NCALD: variants seen among roughly 807,000 people sequenced by gnomAD.
The protein encoded by NCALD is neurocalcin-delta.
Under a neutral mutation model 18.6 loss-of-function variants are expected in NCALD, and 10 were observed. The ratio of observed to expected loss-of-function variants is 0.54; its 90% CI spans 0.33 to 0.91. NCALD has a LOEUF of 0.91. NCALD is among the 40% of genes least tolerant of loss of function. NCALD has a pLI of 0.03. For synonymous variants in NCALD, 88 were observed against 87.4 expected (o/e 1.01, Z -0.04); for missense variants, 184 against 247.6 (o/e 0.74, Z 1.72).
At chr8:101,872,324 A>C in intron 4 of NCALD, 1 of 1,436,658 alleles carries the variant, frequency 7.0e-7, no homozygotes, top group Non-Finnish European at 9.8e-7. Flanking sequence ...AGTCTCTGCC[A>C]TCTGTACATT....
intron 1 of NCALD, among the ~76,000 whole-genome samples, chr8:102,107,085 T>G (rs1407967802): frequency 3.3e-5 from 5 of 149,502 alleles, no homozygotes; most frequent in Non-Finnish European, 7.4e-5. Flanking sequence ...TGATGTATGC[T>G]TTCCAGCCCT....
At chr8:101,760,762 G>A (rs755420875) in intron 1 of NCALD, among the ~76,000 whole-genome samples, 2 of 152,114 alleles carry the variant, frequency 1.3e-5, no homozygotes, top group Non-Finnish European at 2.9e-5. Context: ...AGTTAATGAA[G>A]TTAAGTCATG....
At position 102,056,018 on chromosome 8, in the gene NCALD, T is replaced by C. The variant is rs909593596; in HGVS notation, c.-209-35729A>G. Among the ~76,000 whole-genome samples, 4 of 152,182 alleles carry C rather than the reference T, an allele frequency of 2.6e-5. No individual in the cohort carries two copies. The East Asian group carries it at 5.8e-4, about 22-fold the overall frequency. ...TTAGAGTGTCATATAATGAATAACA[T>C]GGATTTCTGGAAGGTAACTTGGCAC... is the stretch of plus-strand genomic sequence containing the variant. On this transcript the variant is annotated intron_variant, in intron 1 of 6. Transcript: ENST00000311028.
At chr8:101,692,412 T>C in intron 3 of NCALD, 2 of 985,356 alleles carry the variant, frequency 2.0e-6, no homozygotes, top group Non-Finnish European at 2.4e-6. Context: ...GATCACAGAA[T>C]AACAACCCTC....
intron 4 of NCALD, among the ~76,000 whole-genome samples, chr8:101,826,549 T>C (rs994632288): frequency 6.6e-6 from 1 of 152,210 alleles, no homozygotes; most frequent in Non-Finnish European, 1.5e-5. Flanking sequence ...CTACTCCAGA[T>C]AAAAGCTTGC....
chr8:101,969,267 G>C, intron 2 of NCALD, among the ~76,000 whole-genome samples: 1 of 152,272 alleles, frequency 6.6e-6, no homozygotes, highest in South Asian at 2.1e-4. Flanking sequence ...TGAAGGCCCA[G>C]TCTCACATTA....
chr8:102,097,290 C>T (rs983881682), intron 1 of NCALD, among the ~76,000 whole-genome samples: 10 of 152,222 alleles, frequency 6.6e-5, no homozygotes, highest in Non-Finnish European at 5.9e-5. Flanking sequence ...TCATTCATGG[C>T]ATCTAACATT....
intron 2 of NCALD, among the ~76,000 whole-genome samples, chr8:101,941,480 G>A (rs556143104): frequency 9.2e-5 from 14 of 152,244 alleles, no homozygotes; most frequent in African/African-American, 2.2e-4. Context: ...GTACCAGCCC[G>A]GGACCCCTGA....
intron 3 of NCALD, among the ~76,000 whole-genome samples, chr8:101,912,292 T>C (rs1817828965): frequency 6.6e-6 from 1 of 151,442 alleles, no homozygotes; most frequent in Non-Finnish European, 1.5e-5. Flanking sequence ...AAAAATTAAG[T>C]CATGAAAAGT....
In NCALD at chr8:102,081,571, A is replaced by C. The variant is rs1214323248; in HGVS notation, c.-210+42666T>G. Reference sequence around the variant, plus strand: ...AAAAAAAAAAAAAAAAAAAAAAAAAAAAAAACCCCAAAAAAAACTGGCTTT... The same window carrying C: ...AAAAAAAAAAAAAAAAAAAAAAAAACAAAAACCCCAAAAAAAACTGGCTTT... On this transcript the variant is annotated intron_variant, in intron 1 of 6. Coordinates refer to the NCALD transcript ENST00000311028. 9.5e-4 allele frequency among the ~76,000 whole-genome samples: 87 copies of C among 91,964 alleles called. 1 individual carries two copies. Among genetic ancestry groups the C allele is most frequent in the African/African-American group, 1.9e-3 (22 of 11,456 alleles). The allele number at this position is 91,964 out of a possible 152,430, so 60.3% of individuals were successfully genotyped here. A position where few individuals can be genotyped will look rare whatever the true frequency, so the allele number is the denominator to read the frequency against.
intron 2 of NCALD, among the ~76,000 whole-genome samples, chr8:101,974,024 C>T (rs1025669796): frequency 6.6e-6 from 1 of 152,126 alleles, no homozygotes; most frequent in Non-Finnish European, 1.5e-5. Flanking sequence ...ATTCTTTCAT[C>T]AGTTTATTAT....
At chr8:102,031,332 A>G (rs78665448) in intron 1 of NCALD, among the ~76,000 whole-genome samples, 1 of 152,370 alleles carries the variant, frequency 6.6e-6, no homozygotes, top group East Asian at 1.9e-4. Context: ...ACCAACGTTC[A>G]TTAAATGAGC....
Position 101,991,266 on chromosome 8 carries a change from A to G in NCALD, c.-157+28971T>C, listed in dbSNP as rs540368743. Among the ~76,000 whole-genome samples, 184 of 152,240 alleles carry G rather than the reference A, an allele frequency of 1.2e-3. 1 individual carries two copies. Among genetic ancestry groups the G allele is most frequent in the African/African-American group, 4.1e-3 (172 of 41,548 alleles). On this transcript the variant is annotated intron_variant, in intron 2 of 6. Transcript: ENST00000311028. ...ACTATACAGCCTTGTCATAATTGCT[A>G]TCAATCATCAGGTGCCCCTAACCTC...
intron 1 of NCALD, among the ~76,000 whole-genome samples, chr8:102,089,344 A>C (rs1824848213): frequency 6.6e-6 from 1 of 151,918 alleles, no homozygotes; most frequent in African/African-American, 2.4e-5. Context: ...CAGTGAGCTG[A>C]GATCACGCCA....
chr8:101,911,716 G>A (rs73696568), intron 3 of NCALD, among the ~76,000 whole-genome samples: 8,596 of 152,008 alleles, frequency 0.057, 781 homozygotes, highest in African/African-American at 0.19. Flanking sequence ...ATTTCATCTT[G>A]GCTACTAATG....
intron 2 of NCALD, among the ~76,000 whole-genome samples, chr8:101,700,634 G>A (rs1471407862): frequency 1.3e-5 from 2 of 152,096 alleles, no homozygotes; most frequent in Admixed American, 1.3e-4. Context: ...AAAATCAACT[G>A]TGTAATAATC....
intron 1 of NCALD, among the ~76,000 whole-genome samples, chr8:102,088,104 C>T (rs191825581): frequency 2.5e-3 from 380 of 152,294 alleles, no homozygotes; most frequent in Non-Finnish European, 3.9e-3. Context: ...TAGGATAGAA[C>T]ATGGGCTTAG....
Position 101,897,462 on chromosome 8 carries a change from C to T in NCALD, c.-106-10235G>A, listed in dbSNP as rs560011087. Among the ~76,000 whole-genome samples the T allele has an allele frequency of 6.6e-5, 10 of 150,434 alleles. No individual in the cohort carries two copies. The South Asian group carries it at 1.5e-3, about 22-fold the overall frequency. On this transcript the variant is annotated intron_variant, in intron 3 of 6. Transcript: ENST00000311028. ...AGTGCACCAGCATGGCACATGTATACATATGTAACTAACCTGCACAATGTG... is the reference window on the plus strand; with the variant it reads ...AGTGCACCAGCATGGCACATGTATATATATGTAACTAACCTGCACAATGTG...
At chr8:102,041,058 T>C (rs1823033480) in intron 1 of NCALD, among the ~76,000 whole-genome samples, 1 of 152,222 alleles carries the variant, frequency 6.6e-6, no homozygotes, top group Non-Finnish European at 1.5e-5. Flanking sequence ...TCACCTATTC[T>C]GCTAATTTCT....
Sources: gnomAD v4.1 joint callset for allele counts (sites outside exome capture counted in the v4.1 genomes callset) on GRCh38, gnomAD v4.1.1 for gene constraint, MANE v1.5 for transcripts, NCBI Gene and HGNC (gene_info 2026-07-23, HGNC 2026-07-21) for gene names.